ATAD2B: variants seen among roughly 807,000 people sequenced by gnomAD.
The protein encoded by ATAD2B is ATPase family AAA domain-containing protein 2B.
ATAD2B carries 40 observed loss-of-function variants against 167.6 expected under a neutral mutation model. The observed-to-expected ratio is 0.24, with a 90% CI of 0.19 to 0.31. ATAD2B has a LOEUF of 0.31. Among genes scored for constraint, ATAD2B ranks in the 10% least tolerant of loss-of-function variants. The probability of loss-of-function intolerance (pLI) is 1.00; values close to 1 mark genes in which losing one functional copy is unlikely to be tolerated. For missense variants in ATAD2B, 1,242 were observed against 1,757.2 expected (o/e 0.71, Z 5.24); for synonymous variants, 579 against 596.5 (o/e 0.97, Z 0.43).
At chr2:23,924,996 A>T (rs552639361) in intron 1 of ATAD2B, among the ~76,000 whole-genome samples, 3 of 152,350 alleles carry the variant, frequency 2.0e-5, no homozygotes, top group African/African-American at 7.2e-5. Context: ...GCTCTAACAG[A>T]CTAGGCATTC....
Position 23,888,509 on chromosome 2 carries a change from AGAT to A in ATAD2B, c.369-113_369-111del, listed in dbSNP as rs1699015359. ...ATCTTTAAAACTTTTTTAAAAGTAA[AGAT>A]AACTTTTTTTACTGTAAGATTGGTA... On this transcript the variant is annotated intron_variant, in intron 2 of 27. Coordinates refer to ENST00000238789, the MANE Select transcript of ATAD2B (RefSeq NM_017552.4). 5.7e-6 allele frequency: 4 copies of A among 707,728 alleles called. No individual in the cohort carries two copies. In the East Asian group the frequency reaches 9.6e-5, roughly 17 times the overall value. 43.8% of individuals were successfully genotyped at this position (707,728 alleles called of 1,614,324 possible). A position where few individuals can be genotyped will look rare whatever the true frequency, so the allele number is the denominator to read the frequency against.
At chr2:23,759,296 G>T (rs538758207) in intron 24 of ATAD2B, among the ~76,000 whole-genome samples, 32 of 151,996 alleles carry the variant, frequency 2.1e-4, no homozygotes, top group African/African-American at 7.7e-4. Context: ...AAGCTTCCTG[G>T]GCAAAGATAT....
At chr2:23,864,972 T>C (rs1263237267) in intron 10 of ATAD2B, 48 bp from the exon 11 acceptor site, 2 of 1,132,232 alleles carry the variant, frequency 1.8e-6, no homozygotes, top group African/African-American at 3.3e-5. Context: ...TTATATGTTT[T>C]ATAGAATTTT....
chr2:23,807,958 TAATA>T (rs1397242412), intron 18 of ATAD2B, among the ~76,000 whole-genome samples: 109 of 119,982 alleles, frequency 9.1e-4, no homozygotes, highest in African/African-American at 2.3e-3. Flanking sequence ...TAAATATTTA[TAATA>T]TATATATTAT....
At chr2:23,908,091 G>A (rs560802508) in intron 1 of ATAD2B, among the ~76,000 whole-genome samples, 9 of 152,224 alleles carry the variant, frequency 5.9e-5, no homozygotes, top group Admixed American at 2.6e-4. Flanking sequence ...CAAGGACTTC[G>A]TGTCTAAAAC....
the ATAD2B span, chr2:23,697,535 T>G: frequency 6.6e-6 from 1 of 152,324 alleles, no homozygotes; most frequent in Non-Finnish European, 1.5e-5. Flanking sequence ...ATGTTGCCTA[T>G]GAAGCCACAC....
At chr2:23,883,517 G>T in intron 6 of ATAD2B, 1 of 770,682 alleles carries the variant, frequency 1.3e-6, no homozygotes, top group Non-Finnish European at 1.9e-6. Context: ...TTCTAAATAT[G>T]GCATATCTAC....
chr2:23,733,318 A>C, the ATAD2B span, among the ~76,000 whole-genome samples: 2 of 152,174 alleles, frequency 1.3e-5, no homozygotes, highest in African/African-American at 4.8e-5. Flanking sequence ...TCCATTTTGA[A>C]CATAAAATCG....
chr2:23,733,904 T>G, the ATAD2B span, among the ~76,000 whole-genome samples: 5 of 152,094 alleles, frequency 3.3e-5, no homozygotes, highest in African/African-American at 4.8e-5. Flanking sequence ...CTTACTTTGC[T>G]TTATTCTAAA....
intron 1 of ATAD2B, among the ~76,000 whole-genome samples, chr2:23,913,958 C>A (rs1026165612): frequency 1.3e-5 from 2 of 151,920 alleles, no homozygotes; most frequent in African/African-American, 4.8e-5. Flanking sequence ...CAGAGCAGGA[C>A]CCTGGTCAAA....
intron 22 of ATAD2B, among the ~76,000 whole-genome samples, chr2:23,768,981 AC>A (rs1418018225): frequency 6.6e-6 from 1 of 152,124 alleles, no homozygotes; most frequent in African/African-American, 2.4e-5. Context: ...TGATGAACAA[AC>A]CTTTGTATGG....
chr2:23,819,237 C>T (rs1687065101), intron 17 of ATAD2B, among the ~76,000 whole-genome samples: 1 of 152,124 alleles, frequency 6.6e-6, no homozygotes, highest in Admixed American at 6.5e-5. Flanking sequence ...GTGGCATACG[C>T]CTATAATCCC....
chr2:23,741,390 A>G, the ATAD2B span, among the ~76,000 whole-genome samples: 2 of 152,198 alleles, frequency 1.3e-5, no homozygotes, highest in Admixed American at 6.5e-5. Flanking sequence ...GCCCTCAGAA[A>G]TAATGCCACA....
At chr2:23,819,151 G>T (rs1687049125) in intron 17 of ATAD2B, among the ~76,000 whole-genome samples, 1 of 152,042 alleles carries the variant, frequency 6.6e-6, no homozygotes, top group African/African-American at 2.4e-5. Flanking sequence ...CTTTCTAAGG[G>T]TAAGCTTTCC....
chr2:23,791,575 G>A (rs1681738195), intron 19 of ATAD2B, among the ~76,000 whole-genome samples: 1 of 151,612 alleles, frequency 6.6e-6, no homozygotes, highest in Non-Finnish European at 1.5e-5. Flanking sequence ...GACTGATAAT[G>A]AGCATCTTTT....
Position 23,926,950 on chromosome 2 carries a change from G to A in ATAD2B, c.-180C>T. On this transcript the variant is annotated 5_prime_UTR_variant, in exon 1 of 28. Transcript: ENST00000238789. ...CGGGCAGAGGAAGGGAAGTCGGCGTGAGCAGGCGGCGTGCGGGAAGCGGGG... is the reference window on the plus strand; with the variant it reads ...CGGGCAGAGGAAGGGAAGTCGGCGTAAGCAGGCGGCGTGCGGGAAGCGGGG... 2 of 699,438 alleles carry A rather than the reference G, an allele frequency of 2.9e-6. No homozygotes were observed. Among genetic ancestry groups the A allele is most frequent in the Non-Finnish European group, 2.2e-6 (1 of 457,938 alleles). 43.3% of individuals were successfully genotyped at this position (699,438 alleles called of 1,614,324 possible). A position where few individuals can be genotyped will look rare whatever the true frequency, so the allele number is the denominator to read the frequency against.
chr2:23,684,580 G>T, the ATAD2B span: 2 of 1,492,810 alleles, frequency 1.3e-6, no homozygotes, highest in Non-Finnish European at 1.8e-6. This position sits in a 1 kb window ranked among gnomAD's most constrained non-coding sequence, Gnocchi z 4.4. Flanking sequence ...TTCCTTTGTA[G>T]GACGCTTTTG....
chr2:23,754,963 T>C, intron 25 of ATAD2B, 189 bp from the exon 26 acceptor site: 1 of 511,554 alleles, frequency 2.0e-6, no homozygotes, highest in South Asian at 3.3e-5. Context: ...GTAACCCAAA[T>C]TAAAGAAAAC....
intron 2 of ATAD2B, among the ~76,000 whole-genome samples, chr2:23,893,667 C>CTTT (rs745557044): frequency 0.028 from 3,401 of 119,398 alleles, 55 homozygotes; most frequent in Non-Finnish European, 0.041. Context: ...AAAAAAAAAA[C>CTTT]TTTTTTTTTT....
Sources: allele counts gnomAD v4.1 joint callset (sites outside exome capture counted in the v4.1 genomes callset), GRCh38; gene constraint gnomAD v4.1.1; non-coding constraint Gnocchi (gnomAD v3.1); transcripts MANE v1.5; gene names NCBI Gene and HGNC (gene_info 2026-07-23, HGNC 2026-07-21).